Variants in GIPC2 observed in about 807,000 individuals in gnomAD.
GIPC2 encodes the protein GIPC PDZ domain containing family member 2, also known as PDZ domain-containing protein GIPC2.
A neutral mutation model predicts 30.6 loss-of-function variants in GIPC2; 30 were observed. That is an observed-to-expected ratio of 0.98 (90% CI 0.73 to 1.33). The LOEUF is 1.33. Ranked by LOEUF, GIPC2 falls within the 40% of genes most tolerant of loss-of-function variation. GIPC2 has a pLI of 0.00. For synonymous variants in GIPC2, 167 were observed against 150.0 expected, an observed-to-expected ratio of 1.11 and a Z score of -0.83; for missense variants, 414 against 390.3, an observed-to-expected ratio of 1.06 and a Z score of -0.51.
intron 5 of GIPC2, among the ~76,000 whole-genome samples, chr1:78,131,958 G>A (rs1571533293): frequency 2.0e-5 from 3 of 152,270 alleles, no homozygotes; most frequent in East Asian, 1.9e-4. Context: ...ACAAGATCAG[G>A]TATTTTTTGA....
intron 1 of GIPC2, among the ~76,000 whole-genome samples, chr1:78,070,290 CCT>C (rs1282396014): frequency 3.9e-5 from 6 of 151,924 alleles, no homozygotes; most frequent in Admixed American, 1.3e-4. Flanking sequence ...TAAAATGTCC[CCT>C]GTTATAGTCT....
At chr1:78,128,172 C>T (rs887803025) in intron 5 of GIPC2, among the ~76,000 whole-genome samples, 2 of 152,144 alleles carry the variant, frequency 1.3e-5, no homozygotes, top group Non-Finnish European at 2.9e-5. Flanking sequence ...ACTTCTCTTT[C>T]CAATCCTTTT....
intron 3 of GIPC2, among the ~76,000 whole-genome samples, chr1:78,110,846 G>A (rs529512241): frequency 4.4e-4 from 67 of 152,272 alleles, no homozygotes; most frequent in African/African-American, 1.5e-3. Flanking sequence ...GAGCCCACTT[G>A]GGCCTTTGAT....
chr1:78,101,011 T>A (rs1662241010), intron 3 of GIPC2, among the ~76,000 whole-genome samples: 1 of 149,286 alleles, frequency 6.7e-6, no homozygotes, highest in African/African-American at 2.5e-5. Flanking sequence ...GCATTGATAA[T>A]TGGGGCCTAG....
At chr1:78,103,795 T>C (rs566165766) in intron 3 of GIPC2, among the ~76,000 whole-genome samples, 2 of 152,112 alleles carry the variant, frequency 1.3e-5, no homozygotes, top group Admixed American at 6.5e-5. Flanking sequence ...GATTGAGAGG[T>C]AGTAAGATTG....
intron 5 of GIPC2, among the ~76,000 whole-genome samples, chr1:78,131,486 C>A (rs974488509): frequency 6.6e-6 from 1 of 152,060 alleles, no homozygotes; most frequent in Non-Finnish European, 1.5e-5. Flanking sequence ...TTCTACTCTT[C>A]TAATGGAATA....
rs1474557000 is a variant in GIPC2 at position 78,046,145 on chromosome 1, CG to C, written c.54del (p.Leu19TrpfsTer68). ...KKKAKSKETA[G>X]LVEGEPTGAG... ...AGAAGGCCAAGTCCAAGGAGACCGC[CG>C]GGCTGGTGGAGGGCGAGCCGACGGG... On this transcript the variant is annotated frameshift_variant, in exon 1 of 6. Coordinates refer to ENST00000370759, the MANE Select transcript of GIPC2 (RefSeq NM_017655.6). LOFTEE classifies it high-confidence loss of function. The C allele has an allele frequency of 2.6e-6, 4 of 1,537,264 alleles. No individual in the cohort carries two copies. Among genetic ancestry groups the C allele is most frequent in the Non-Finnish European group, 3.5e-6 (4 of 1,144,840 alleles).
At chr1:78,068,140 A>C (rs914708678) in intron 1 of GIPC2, among the ~76,000 whole-genome samples, 2 of 152,188 alleles carry the variant, frequency 1.3e-5, no homozygotes, top group African/African-American at 2.4e-5. Flanking sequence ...CAAAAAAAAA[A>C]CCTTTTAGTA....
intron 1 of GIPC2, among the ~76,000 whole-genome samples, chr1:78,049,595 G>A (rs1289105025): frequency 1.3e-5 from 2 of 152,170 alleles, no homozygotes; most frequent in African/African-American, 2.4e-5. Flanking sequence ...TGAAGAGCTA[G>A]CCACTCTTTA....
At position 78,137,995 on chromosome 1, in the gene GIPC2, C is replaced by T. The variant is rs1663037163; in HGVS notation, c.*2252C>T. ...TTAGGACCCTGTCCTTTTCACTTTT[C>T]TGTAGGCTTTTTTTTTTTAAATGGA... On this transcript the variant is annotated 3_prime_UTR_variant, in exon 6 of 6. Coordinates refer to ENST00000370759, the MANE Select transcript of GIPC2 (RefSeq NM_017655.6). 7.1e-6 allele frequency: 1 copy of T among 141,102 alleles called. No homozygotes were observed. Among genetic ancestry groups the T allele is most frequent in the Non-Finnish European group, 1.5e-5 (1 of 64,850 alleles). 8.7% of individuals were successfully genotyped at this position (141,102 alleles called of 1,614,324 possible). A position where few individuals can be genotyped will look rare whatever the true frequency, so the allele number is the denominator to read the frequency against.
chr1:78,136,545 G>A lies in GIPC2; in HGVS notation c.*802G>A, dbSNP rs1356799230. 7.2e-6 allele frequency: 1 copy of A among 138,268 alleles called. No individual in the cohort carries two copies. Among genetic ancestry groups the A allele is most frequent in the Non-Finnish European group, 1.6e-5 (1 of 63,690 alleles). 8.6% of individuals were successfully genotyped at this position (138,268 alleles called of 1,614,324 possible). ...TACCTTTTATAAGCACTCCAGGGAA[G>A]ATTTTATATTTTTTTGTAGAGTTTT... On this transcript the variant is annotated 3_prime_UTR_variant, in exon 6 of 6. Transcript: ENST00000370759.
At chr1:78,130,031 A>T (rs1248769977) in intron 5 of GIPC2, among the ~76,000 whole-genome samples, 1 of 151,142 alleles carries the variant, frequency 6.6e-6, no homozygotes, top group East Asian at 1.9e-4. Context: ...AGTCTGTTAT[A>T]GCTCTTGAAA....
chr1:78,129,315 A>T (rs1662845352), intron 5 of GIPC2, among the ~76,000 whole-genome samples: 1 of 152,234 alleles, frequency 6.6e-6, no homozygotes, highest in Admixed American at 6.5e-5. Context: ...AGCATGAAAT[A>T]TAAATCACAA....
At chr1:78,117,886 C>T (rs866975200) in intron 3 of GIPC2, among the ~76,000 whole-genome samples, 8 of 151,986 alleles carry the variant, frequency 5.3e-5, no homozygotes, top group East Asian at 1.9e-4. Flanking sequence ...TTTAAAAATC[C>T]GGAGATGCAC....
intron 3 of GIPC2, among the ~76,000 whole-genome samples, chr1:78,107,724 C>CT (rs1662385073): frequency 7.0e-6 from 1 of 142,752 alleles, no homozygotes; most frequent in Non-Finnish European, 1.5e-5. Flanking sequence ...ACTGGGGAGG[C>CT]TGAGGCATGA....
chr1:78,067,343 A>G (rs1430231053), intron 1 of GIPC2, among the ~76,000 whole-genome samples: 1 of 152,192 alleles, frequency 6.6e-6, no homozygotes, highest in Non-Finnish European at 1.5e-5. Context: ...ATGAAATAGC[A>G]TGTTAGGTGT....
At position 78,135,575 on chromosome 1, in the gene GIPC2, A is replaced by T; in HGVS notation, c.797-17A>T. On this transcript the variant is annotated splice_polypyrimidine_tract_variant and intron_variant, in intron 5 of 5. Transcript: ENST00000370759. ...CTATTTCATTTATTGTTAATTTTTT[A>T]ATATTATTTTTGATAGCCACCACAA... 6.9e-7 allele frequency: 1 copy of T among 1,451,200 alleles called. No individual in the cohort carries two copies. The allele number at this position is 1,451,200 out of a possible 1,614,324, so 89.9% of individuals were successfully genotyped here. A position where few individuals can be genotyped will look rare whatever the true frequency, so the allele number is the denominator to read the frequency against.
Position 78,102,810 on chromosome 1 carries a change from T to C in GIPC2, c.607+7678T>C, listed in dbSNP as rs144158453. ...CTATTATTATAAAGGTGTATCCTTT[T>C]CTTTAAGGAATAATTTTAGAAACAA... On this transcript the variant is annotated intron_variant, in intron 3 of 5. Transcript: ENST00000370759. 3.3e-5 allele frequency among the ~76,000 whole-genome samples: 5 copies of C among 152,348 alleles called. 1 individual carries two copies. Among genetic ancestry groups the C allele is most frequent in the Admixed American group, 6.5e-5 (1 of 15,296 alleles).
intron 1 of GIPC2, among the ~76,000 whole-genome samples, chr1:78,057,738 A>C (rs968573042): frequency 6.6e-6 from 1 of 152,202 alleles, no homozygotes; most frequent in East Asian, 1.9e-4. Context: ...TTCATTAGAA[A>C]ACTTATTGGT....
Sources: allele counts gnomAD v4.1 joint callset (sites outside exome capture counted in the v4.1 genomes callset), GRCh38; gene constraint gnomAD v4.1.1; transcripts MANE v1.5; gene names NCBI Gene and HGNC (gene_info 2026-07-23, HGNC 2026-07-21).